C1QTNF6: variants seen among roughly 807,000 people sequenced by gnomAD.
The protein encoded by C1QTNF6 is C1q and TNF related 6, also known as complement C1q tumor necrosis factor-related protein 6.
C1QTNF6 carries 17 observed loss-of-function variants against 20.7 expected under a neutral mutation model. The ratio of observed to expected loss-of-function variants is 0.82; its 90% CI spans 0.56 to 1.23. The LOEUF (loss-of-function observed/expected upper bound fraction) is 1.23, where lower values mean the gene tolerates loss of function less well. C1QTNF6 is among the 50% of genes most tolerant of loss of function. C1QTNF6 has a pLI of 0.00. For missense variants in C1QTNF6, 329 were observed against 389.7 expected (o/e 0.84, Z 1.31); for synonymous variants, 130 against 156.3 (o/e 0.83, Z 1.25).
At chr22:37,189,935 C>G (rs1924701509), upstream of C1QTNF6, among the ~76,000 whole-genome samples, 1 of 152,200 alleles carries the variant, frequency 6.6e-6, no homozygotes, top group South Asian at 2.1e-4. Context: ...TTCTTAGTCA[C>G]AGGAATTGCT....
In C1QTNF6 at chr22:37,185,268, G is replaced by A; in HGVS notation, c.239C>T (p.Pro80Leu). 1.2e-6 allele frequency: 2 copies of A among 1,607,190 alleles called. No individual in the cohort carries two copies. The highest frequency in any genetic ancestry group is 8.5e-7 in the Non-Finnish European group (1 of 1,175,670). ...GGGTCTGATCTCAGGCAGGGCGTGG[G>A]GGCGGCCGGAGGAAGAGGCTGAGGA... ...HVSSASSSGR[P>L]HALPEIRPYI... Residue 80 changes from proline (P) to leucine (L), a missense_variant, in exon 2 of 3, where the codon CCC (proline) becomes CTC (leucine). Transcript: ENST00000337843.
intron 1 of C1QTNF6, among the ~76,000 whole-genome samples, chr22:37,186,352 T>C (rs1394240818): frequency 1.4e-4 from 21 of 152,298 alleles, no homozygotes. Flanking sequence ...CTTTGTGCAG[T>C]CAACTATCTA....
upstream of C1QTNF6, chr22:37,188,289 G>A (rs1601634126): frequency 1.6e-6 from 2 of 1,288,136 alleles, no homozygotes; most frequent in East Asian, 4.4e-5. Flanking sequence ...GCAGAGGAGG[G>A]AGAGAGGAGG....
In C1QTNF6 at chr22:37,184,380, G is replaced by C. The variant is rs1256469110; in HGVS notation, c.289+838C>G. 4.2e-6 allele frequency: 3 copies of C among 717,324 alleles called. No homozygotes were observed. Among genetic ancestry groups the C allele is most frequent in the Non-Finnish European group, 7.8e-6 (3 of 385,050 alleles). The allele number at this position is 717,324 out of a possible 1,614,324, so 44.4% of individuals were successfully genotyped here. On this transcript the variant is annotated intron_variant, in intron 2 of 2. Coordinates refer to ENST00000337843, the MANE Select transcript of C1QTNF6 (RefSeq NM_031910.4). The surrounding 1 kb of genome is among the most constrained non-coding windows in gnomAD (Gnocchi z 4.0). ...CAGAGACGGACGCTAAGGATGTCAA[G>C]GCCTGGTCACAGCCGTCAGCCACCA... is the stretch of plus-strand genomic sequence containing the variant.
chr22:37,184,451 G>C lies in C1QTNF6; in HGVS notation c.289+767C>G. On this transcript the variant is annotated intron_variant, in intron 2 of 2. Coordinates refer to ENST00000337843, the MANE Select transcript of C1QTNF6 (RefSeq NM_031910.4). The surrounding 1 kb of genome is among the most constrained non-coding windows in gnomAD (Gnocchi z 4.0). The stretch of plus-strand genomic sequence containing the variant: ...TCCTTCCACGTCCTATTGAGAGAGC[G>C]GGTAGCCAGCCCGCACCTGGACGGC... The C allele has an allele frequency of 1.4e-6, 1 of 716,646 alleles. No homozygotes were observed. Among genetic ancestry groups the C allele is most frequent in the African/African-American group, 1.7e-5 (1 of 57,280 alleles). The allele number at this position is 716,646 out of a possible 1,614,324, so 44.4% of individuals were successfully genotyped here.
upstream of C1QTNF6, among the ~76,000 whole-genome samples, chr22:37,188,996 G>A (rs575581947): frequency 2.0e-5 from 3 of 152,332 alleles, no homozygotes; most frequent in East Asian, 5.8e-4. Flanking sequence ...GCACCCCCAA[G>A]CACTGCTAGT....
At chr22:37,183,423 C>A (rs748546795) in intron 2 of C1QTNF6, among the ~76,000 whole-genome samples, 2 of 152,246 alleles carry the variant, frequency 1.3e-5, no homozygotes, top group South Asian at 2.1e-4. Flanking sequence ...TGGCCCATCC[C>A]GACCTGCTCT....
At chr22:37,189,736 A>G (rs1361677091), upstream of C1QTNF6, among the ~76,000 whole-genome samples, 1 of 152,258 alleles carries the variant, frequency 6.6e-6, no homozygotes, top group East Asian at 1.9e-4. Context: ...AGCACTGAGT[A>G]AGCTTATCTT....
At chr22:37,194,029 G>A (rs972018223) in intron 2 of C1QTNF6, among the ~76,000 whole-genome samples, 6 of 152,168 alleles carry the variant, frequency 3.9e-5, no homozygotes, top group African/African-American at 1.4e-4. Context: ...AACTGCTCAG[G>A]ACAATTTTTA....
Position 37,182,580 on chromosome 22 carries a change from C to T in C1QTNF6, c.445G>A (p.Gly149Ser). 6.2e-7 allele frequency: 1 copy of T among 1,614,076 alleles called. No individual in the cohort carries two copies. Among genetic ancestry groups the T allele is most frequent in the East Asian group, 2.2e-5 (1 of 44,876 alleles). ...CCGCTGTGCAGGGCCGTCTTGCGGC[C>T]CACTGAGAAGGCGAAGAAGCGCTTC... ...CQKRFFAFSV[G>S]RKTALHSGED... Residue 149 changes from glycine to serine, a missense_variant, in exon 3 of 3, where the codon GGC (glycine) becomes AGC (serine). Transcript: ENST00000337843.
chr22:37,198,750 G>A (rs1172562723), upstream of C1QTNF6, among the ~76,000 whole-genome samples: 1 of 152,090 alleles, frequency 6.6e-6, no homozygotes, highest in Non-Finnish European at 1.5e-5. Context: ...GGCAGGCCAG[G>A]GCGCCCATGC....
chr22:37,182,678 G>A lies in C1QTNF6; in HGVS notation c.347C>T (p.Pro116Leu), dbSNP rs1327821679. Reference sequence around the variant, plus strand: ...GCCCTGAGGGCCAGGCTCCCCTTGGGGACCCTCCCTGCCCATGTACCCTGG... The same window carrying A: ...GCCCTGAGGGCCAGGCTCCCCTTGGAGACCCTCCCTGCCCATGTACCCTGG... Reference protein sequence around the residue: ...GLPGYMGREGPQGEPGPQGSK... With the variant: ...GLPGYMGREGLQGEPGPQGSK... The change falls in exon 3 of 3, where the codon CCC becomes CTC. Residue 116 changes from proline to leucine, a missense_variant. Physicochemically the swap from Pro to Leu is moderately conservative, Grantham distance 98. Coordinates refer to ENST00000337843, the MANE Select transcript of C1QTNF6 (RefSeq NM_031910.4). 2 of 1,612,874 alleles carry A rather than the reference G, an allele frequency of 1.2e-6. No individual in the cohort carries two copies. Among genetic ancestry groups the A allele is most frequent in the South Asian group, 2.2e-5 (2 of 91,070 alleles).
Position 37,184,503 on chromosome 22 carries a change from C to CA in C1QTNF6, c.289+714_289+715insT. 4.7e-6 allele frequency: 3 copies of CA among 644,696 alleles called. No homozygotes were observed. In the East Asian group the frequency reaches 9.4e-5, roughly 20 times the overall value. The allele number at this position is 644,696 out of a possible 1,614,324, so 39.9% of individuals were successfully genotyped here. A position where few individuals can be genotyped will look rare whatever the true frequency, so the allele number is the denominator to read the frequency against. On this transcript the variant is annotated intron_variant, in intron 2 of 2. Transcript: ENST00000337843. The surrounding 1 kb of genome is among the most constrained non-coding windows in gnomAD (Gnocchi z 4.0). ...CTCACCTGGATGCCTTTCACCTGGA[C>CA]GGGCCCTCACCTGGACAGCCCTCAC...
chr22:37,186,995 C>T (rs893187991), intron 1 of C1QTNF6, among the ~76,000 whole-genome samples: 3 of 152,262 alleles, frequency 2.0e-5, no homozygotes, highest in Admixed American at 1.3e-4. Flanking sequence ...GAGAGAGGAT[C>T]ACTCGAGTCC....
At chr22:37,185,838 A>G in intron 1 of C1QTNF6, 6 of 995,992 alleles carry the variant, frequency 6.0e-6, no homozygotes, top group Non-Finnish European at 7.2e-6. Flanking sequence ...GTGGCAACCC[A>G]GGAGACCGTC....
rs373027891 is a variant in C1QTNF6, at chr22:37,184,279, G to T, written c.289+939C>A. 12 of 702,530 alleles carry T rather than the reference G, an allele frequency of 1.7e-5. No homozygotes were observed. The African/African-American group carries it at 1.8e-4, about 10-fold the overall frequency. 43.5% of individuals were successfully genotyped at this position (702,530 alleles called of 1,614,324 possible). On this transcript the variant is annotated intron_variant, in intron 2 of 2. Coordinates refer to ENST00000337843, the MANE Select transcript of C1QTNF6 (RefSeq NM_031910.4). This position sits in a 1 kb window ranked among gnomAD's most constrained non-coding sequence, Gnocchi z 4.0. ...CTGGCTCCATCCCTGACAGCTGTGT[G>T]GCCCCAGGAGACTGGGTTTCCCCAT...
chr22:37,189,509 C>T (rs957176179), upstream of C1QTNF6, among the ~76,000 whole-genome samples: 3 of 152,122 alleles, frequency 2.0e-5, no homozygotes, highest in Non-Finnish European at 2.9e-5. Context: ...TACGAGGGAA[C>T]GTTTAATCTT....
upstream of C1QTNF6, among the ~76,000 whole-genome samples, chr22:37,192,295 G>A (rs930870868): frequency 6.6e-6 from 1 of 152,160 alleles, no homozygotes; most frequent in African/African-American, 2.4e-5. Flanking sequence ...ATATTACGAT[G>A]TTAACTCTTA....
intron 1 of C1QTNF6, among the ~76,000 whole-genome samples, chr22:37,186,272 T>C (rs1469196768): frequency 1.3e-5 from 2 of 152,210 alleles, no homozygotes; most frequent in Non-Finnish European, 2.9e-5. Flanking sequence ...GAGTCCCCGT[T>C]GGAGGGACGT....
Sources: gnomAD v4.1 joint callset for allele counts (sites outside exome capture counted in the v4.1 genomes callset) on GRCh38, gnomAD v4.1.1 for gene constraint, Gnocchi (gnomAD v3.1) non-coding constraint, MANE v1.5 for transcripts, NCBI Gene and HGNC (gene_info 2026-07-23, HGNC 2026-07-21) for gene names.